DEFB131B: variants seen among roughly 807,000 people sequenced by gnomAD.
DEFB131B encodes beta-defensin 131B.
A neutral mutation model predicts 2.1 loss-of-function variants in DEFB131B; 2 were observed. The ratio of observed to expected loss-of-function variants is 0.94; its 90% confidence interval spans 0.38 to 2.95. DEFB131B has a LOEUF of 2.95. Ranked by LOEUF, DEFB131B falls within the 30% of genes most tolerant of loss-of-function variation. DEFB131B has a pLI of 0.09. For missense variants in DEFB131B, 77 were observed against 78.5 expected, an observed-to-expected ratio of 0.98 and a Z score of 0.07; for synonymous variants, 26 against 25.8, an observed-to-expected ratio of 1.01 and a Z score of -0.03.
At chr11:71,883,071 A>G (rs1385736945) in intron 1 of DEFB131B, among the ~76,000 whole-genome samples, 1 of 152,192 alleles carries the variant, frequency 6.6e-6, no homozygotes, top group Non-Finnish European at 1.5e-5. Flanking sequence ...AAAATTGCAG[A>G]CATTCATGAA....
At chr11:71,881,650 C>A (rs1415925784) in intron 1 of DEFB131B, among the ~76,000 whole-genome samples, 4 of 151,712 alleles carry the variant, frequency 2.6e-5, no homozygotes, top group African/African-American at 9.7e-5. Flanking sequence ...AAAAAAAAAT[C>A]TTCAAATATG....
chr11:71,881,097 C>T (rs191496998), intron 1 of DEFB131B, among the ~76,000 whole-genome samples: 1 of 152,228 alleles, frequency 6.6e-6, no homozygotes, highest in Admixed American at 6.5e-5. Context: ...CTGTTCAATG[C>T]TGAAAGTGGG....
At chr11:71,882,792 G>T (rs1313359525) in intron 1 of DEFB131B, among the ~76,000 whole-genome samples, 1 of 152,142 alleles carries the variant, frequency 6.6e-6, no homozygotes, top group Non-Finnish European at 1.5e-5. Flanking sequence ...AACTGTTGGG[G>T]GGTGGGAATG....
At chr11:71,882,054 T>C (rs1001054048) in intron 1 of DEFB131B, among the ~76,000 whole-genome samples, 17 of 152,142 alleles carry the variant, frequency 1.1e-4, no homozygotes, top group African/African-American at 4.1e-4. Flanking sequence ...ATAGGCATAT[T>C]ATATTGAAAC....
intron 1 of DEFB131B, among the ~76,000 whole-genome samples, chr11:71,881,142 G>A (rs1222097520): frequency 6.6e-6 from 1 of 152,134 alleles, no homozygotes; most frequent in Non-Finnish European, 1.5e-5. Context: ...ATGTTGAGGT[G>A]TATCTCTCTC....
intron 1 of DEFB131B, among the ~76,000 whole-genome samples, chr11:71,879,774 A>G (rs1952548604): frequency 6.6e-6 from 1 of 152,102 alleles, no homozygotes; most frequent in Non-Finnish European, 1.5e-5. Flanking sequence ...CCTAGCAACC[A>G]CTGATCTAAT....
chr11:71,883,591 C>T (rs1448556862), intron 1 of DEFB131B, among the ~76,000 whole-genome samples: 1 of 152,088 alleles, frequency 6.6e-6, no homozygotes, highest in Admixed American at 6.5e-5. Flanking sequence ...AAAAGCAATT[C>T]AAAATGAACT....
chr11:71,882,342 C>T (rs1323562850), intron 1 of DEFB131B, among the ~76,000 whole-genome samples: 14 of 152,072 alleles, frequency 9.2e-5, no homozygotes, highest in African/African-American at 2.7e-4. Context: ...CTGCAGCCTC[C>T]GCTTCCTGGG....
intron 1 of DEFB131B, among the ~76,000 whole-genome samples, chr11:71,880,280 T>A (rs1195606988): frequency 6.6e-6 from 1 of 152,160 alleles, no homozygotes; most frequent in Non-Finnish European, 1.5e-5. Flanking sequence ...GTAAAAAAAA[T>A]TTCATCATAT....
At chr11:71,879,615 T>A (rs1565118419) in intron 1 of DEFB131B, among the ~76,000 whole-genome samples, 2 of 151,916 alleles carry the variant, frequency 1.3e-5, no homozygotes. Context: ...TATATTTTTA[T>A]TGAGATAAAA....
chr11:71,879,985 G>A (rs1952549970), intron 1 of DEFB131B, among the ~76,000 whole-genome samples: 1 of 151,904 alleles, frequency 6.6e-6, no homozygotes, highest in Non-Finnish European at 1.5e-5. Context: ...CTCACTAAAT[G>A]GAACACTCTA....
intron 1 of DEFB131B, among the ~76,000 whole-genome samples, chr11:71,880,812 G>A (rs945119126): frequency 1.3e-5 from 2 of 152,146 alleles, no homozygotes; most frequent in African/African-American, 4.8e-5. Flanking sequence ...CATGTTATCT[G>A]TATAGTTTCC....
chr11:71,884,418 A>C lies in DEFB131B; in HGVS notation c.70A>C (p.Thr24Pro). The C allele has an allele frequency of 1.9e-6, 3 of 1,586,834 alleles. No individual in the cohort carries two copies. Among genetic ancestry groups the C allele is most frequent in the Non-Finnish European group, 2.6e-6 (3 of 1,166,566 alleles). Residue 24 changes from threonine to proline, a missense_variant, in exon 2 of 2, where the codon ACT becomes CCT. Thr to Pro is a conservative substitution (Grantham distance 38). Coordinates refer to ENST00000530210, the MANE Select transcript of DEFB131B (RefSeq NM_001242853.1). The part of the protein sequence containing the change: ...MSTVPPTRSF[T>P]SNDECPSEYY... Reference sequence around the variant, plus strand: ...TTCTCTTTTTAAAGCCAGAAGCTTCACTTCTAATGATGAATGTCCTTCAGA... The same window carrying C: ...TTCTCTTTTTAAAGCCAGAAGCTTCCCTTCTAATGATGAATGTCCTTCAGA...
chr11:71,879,480 AG>A (rs1952546517), intron 1 of DEFB131B, among the ~76,000 whole-genome samples: 1 of 152,200 alleles, frequency 6.6e-6, no homozygotes, highest in African/African-American at 2.4e-5. Flanking sequence ...TCATTTCTGA[AG>A]CACATTTTAA....
Position 71,878,458 on chromosome 11 carries a change from G to C in DEFB131B, c.6G>C (p.Arg2Ser). M[R>S]VLFFVFGVLS... ...CCTGCTTTACCTATTCAACCATGAG[G>C]GTCTTGTTTTTTGTCTTTGGAGTCC... The change falls in exon 1 of 2, where the codon AGG becomes AGC. Residue 2 changes from arginine to serine, a missense_variant. Transcript: ENST00000530210. 1 of 1,611,620 alleles carries C rather than the reference G, an allele frequency of 6.2e-7. No individual in the cohort carries two copies. The highest frequency in any genetic ancestry group is 1.3e-5 in the African/African-American group (1 of 74,920).
At chr11:71,880,176 C>T (rs1952551258) in intron 1 of DEFB131B, among the ~76,000 whole-genome samples, 1 of 152,004 alleles carries the variant, frequency 6.6e-6, no homozygotes, top group African/African-American at 2.4e-5. Flanking sequence ...TAATCTAAAT[C>T]TCAGGTATAA....
At chr11:71,882,064 C>T (rs1210184430) in intron 1 of DEFB131B, among the ~76,000 whole-genome samples, 1 of 151,734 alleles carries the variant, frequency 6.6e-6, no homozygotes, top group East Asian at 1.9e-4. Flanking sequence ...TATATTGAAA[C>T]TGCCAAAAAT....
intron 1 of DEFB131B, among the ~76,000 whole-genome samples, chr11:71,881,991 A>G (rs1183324783): frequency 2.0e-5 from 3 of 152,120 alleles, no homozygotes; most frequent in African/African-American, 7.2e-5. Flanking sequence ...CAAAATCTAC[A>G]TATCTAGGAA....
rs972930615 is a variant in DEFB131B, at chr11:71,878,517, C to A, written c.58+7C>A. ...ATGTCCACAGTTCCTCCAAGTAAGG[C>A]AGAAACTTTTTTATTCCAAAGTTCT... On this transcript the variant is annotated splice_region_variant and intron_variant, in intron 1 of 1. Transcript: ENST00000530210. 1.2e-6 allele frequency: 2 copies of A among 1,608,580 alleles called. No individual in the cohort carries two copies. The highest frequency in any genetic ancestry group is 8.5e-7 in the Non-Finnish European group (1 of 1,179,144).
Sources: gnomAD v4.1 joint callset for allele counts (sites outside exome capture counted in the v4.1 genomes callset) on GRCh38, gnomAD v4.1.1 for gene constraint, MANE v1.5 for transcripts, NCBI Gene and HGNC (gene_info 2026-07-23, HGNC 2026-07-21) for gene names.